Variants in PPFIA2 observed in about 807,000 individuals in gnomAD.
The protein encoded by PPFIA2 is liprin-alpha-2.
A neutral mutation model predicts 175.5 loss-of-function variants in PPFIA2; 46 were observed. The ratio of observed to expected loss-of-function variants is 0.26; its 90% CI spans 0.21 to 0.34. PPFIA2 has a LOEUF of 0.34. PPFIA2 is among the 10% of genes least tolerant of loss of function. PPFIA2 has a pLI of 1.00. For missense variants in PPFIA2, 1,179 were observed against 1,506.1 expected (o/e 0.78, Z 3.60); for synonymous variants, 568 against 511.4 (o/e 1.11, Z -1.49).
intron 7 of PPFIA2, among the ~76,000 whole-genome samples, chr12:81,421,391 C>A (rs937670877): frequency 6.6e-6 from 1 of 151,826 alleles, no homozygotes; most frequent in Non-Finnish European, 1.5e-5. Context: ...GAACACAAAT[C>A]GGGCAGAGTA....
chr12:81,268,932 CCT>C (rs1291488779), intron 28 of PPFIA2, among the ~76,000 whole-genome samples: 1 of 152,014 alleles, frequency 6.6e-6, no homozygotes. Flanking sequence ...TGGATACTTA[CCT>C]TAGTATTATA....
At chr12:81,465,796 A>G (rs1188466366) in intron 4 of PPFIA2, among the ~76,000 whole-genome samples, 1 of 152,190 alleles carries the variant, frequency 6.6e-6, no homozygotes, top group East Asian at 1.9e-4. Context: ...CTCAAATTTT[A>G]TATCTACACT....
intron 22 of PPFIA2, among the ~76,000 whole-genome samples, chr12:81,317,170 T>C (rs1170622291): frequency 6.6e-6 from 1 of 151,474 alleles, no homozygotes; most frequent in East Asian, 1.9e-4. Context: ...AAGCAGAATA[T>C]ATGCACACAA....
At chr12:81,339,650 G>T (rs2057727143) in intron 20 of PPFIA2, among the ~76,000 whole-genome samples, 1 of 151,852 alleles carries the variant, frequency 6.6e-6, no homozygotes, top group African/African-American at 2.4e-5. Flanking sequence ...TTCTATTATG[G>T]AGCACTTGAT....
At chr12:81,284,442 A>G (rs1259837159) in intron 24 of PPFIA2, 139 bp from the exon 25 acceptor site, 3 of 625,524 alleles carry the variant, frequency 4.8e-6, no homozygotes, top group Non-Finnish European at 8.6e-6. Context: ...CATGAAAGAG[A>G]CAGCATGGCT....
At chr12:81,675,137 T>A (rs2153567859) in intron 4 of PPFIA2, among the ~76,000 whole-genome samples, 1 of 146,190 alleles carries the variant, frequency 6.8e-6, no homozygotes. Context: ...TATAAGTTGT[T>A]TTAAAAGAAA....
chr12:81,662,615 C>G (rs1472786263), intron 4 of PPFIA2, among the ~76,000 whole-genome samples: 1 of 152,122 alleles, frequency 6.6e-6, no homozygotes, highest in South Asian at 2.1e-4. Flanking sequence ...CGAATTCTAC[C>G]AGAGGTACAA....
rs1336962903 is a variant in PPFIA2 at position 81,390,716 on chromosome 12, A to C, written c.763-6472T>G. 4.0e-5 allele frequency among the ~76,000 whole-genome samples: 6 copies of C among 151,840 alleles called. No individual in the cohort carries two copies. In the East Asian group the frequency reaches 1.2e-3, roughly 29 times the overall value. On this transcript the variant is annotated intron_variant, in intron 8 of 32. Coordinates refer to ENST00000549396, the MANE Select transcript of PPFIA2 (RefSeq NM_003625.5). ...TATGGCTTGAAAATAGCTTTTCTCT[A>C]TTCTGTAGACCATCTTTTCACTTTC...
intron 4 of PPFIA2, among the ~76,000 whole-genome samples, chr12:81,661,832 A>T (rs1250711623): frequency 1.3e-5 from 2 of 152,236 alleles, no homozygotes; most frequent in East Asian, 3.8e-4. Context: ...AAAAGAACAG[A>T]AATTATAACA....
chr12:81,365,352 A>G (rs2032833020), intron 14 of PPFIA2, among the ~76,000 whole-genome samples: 2 of 151,758 alleles, frequency 1.3e-5, no homozygotes, highest in Admixed American at 1.3e-4. Flanking sequence ...CAGACATGAG[A>G]TATGATCTGG....
chr12:81,516,366 T>G (rs549394489), intron 4 of PPFIA2, among the ~76,000 whole-genome samples: 1 of 152,326 alleles, frequency 6.6e-6, no homozygotes, highest in South Asian at 2.1e-4. Flanking sequence ...ACATTTCCAA[T>G]TATAATTTGA....
At chr12:81,645,979 C>T (rs1475058355) in intron 4 of PPFIA2, among the ~76,000 whole-genome samples, 1 of 152,176 alleles carries the variant, frequency 6.6e-6, no homozygotes, top group Non-Finnish European at 1.5e-5. Context: ...GCTTTGATAA[C>T]CAAAGCCATC....
chr12:81,713,107 T>G (rs992686064), intron 3 of PPFIA2, among the ~76,000 whole-genome samples: 4 of 151,286 alleles, frequency 2.6e-5, no homozygotes, highest in African/African-American at 9.7e-5. Flanking sequence ...TTAATATTTT[T>G]GAAATGATTT....
intron 7 of PPFIA2, chr12:81,430,964 C>G (rs774421102): frequency 5.6e-4 from 85 of 152,260 alleles, no homozygotes; most frequent in Admixed American, 1.8e-3. Flanking sequence ...AGAGATAAAG[C>G]TGATTGTAGA....
At chr12:81,491,805 G>A (rs1000817285) in intron 4 of PPFIA2, among the ~76,000 whole-genome samples, 1 of 151,928 alleles carries the variant, frequency 6.6e-6, no homozygotes, top group African/African-American at 2.4e-5. Context: ...TCATGTACTA[G>A]TCTTTACCTA....
chr12:81,642,847 A>ATATGTATGTATGTATTACATACATG (rs1567691503), intron 4 of PPFIA2, among the ~76,000 whole-genome samples: 11 of 138,142 alleles, frequency 8.0e-5, no homozygotes, highest in Non-Finnish European at 1.4e-4. Context: ...TTACATACAT[A>ATATGTATGTATGTATTACATACATG]TATAACATGT....
At chr12:81,483,639 A>C (rs1324345648) in intron 4 of PPFIA2, among the ~76,000 whole-genome samples, 3 of 152,046 alleles carry the variant, frequency 2.0e-5, no homozygotes, top group Non-Finnish European at 2.9e-5. Context: ...GCTAAAAAAA[A>C]CACTGAACTA....
chr12:81,607,403 T>C (rs1253556465), intron 4 of PPFIA2, among the ~76,000 whole-genome samples: 1 of 152,188 alleles, frequency 6.6e-6, no homozygotes, highest in Non-Finnish European at 1.5e-5. Flanking sequence ...ATGGACATTT[T>C]AATGATATTG....
intron 3 of PPFIA2, among the ~76,000 whole-genome samples, chr12:81,734,542 T>C (rs1014474123): frequency 1.3e-5 from 2 of 151,732 alleles, no homozygotes; most frequent in Admixed American, 6.6e-5. Context: ...CCTAAGGTGA[T>C]TGTTAAAAGT....
Sources: gnomAD v4.1 joint callset for allele counts (sites outside exome capture counted in the v4.1 genomes callset) on GRCh38, gnomAD v4.1.1 for gene constraint, MANE v1.5 for transcripts, NCBI Gene and HGNC (gene_info 2026-07-23, HGNC 2026-07-21) for gene names.